KMT2E: variants seen among roughly 807,000 people sequenced by gnomAD.
KMT2E encodes histone reader KMT2E.
Under a neutral mutation model 184.6 loss-of-function variants are expected in KMT2E, and 30 were observed. The observed-to-expected ratio is 0.16, with a 90% CI of 0.12 to 0.22. The LOEUF (loss-of-function observed/expected upper bound fraction) is 0.22. Among genes scored for constraint, KMT2E ranks in the 10% least tolerant of loss-of-function variants. KMT2E has a pLI of 1.00. For missense variants in KMT2E, 2,023 were observed against 2,237.4 expected, an observed-to-expected ratio of 0.90 and a Z score of 1.93; for synonymous variants, 815 against 776.5, an observed-to-expected ratio of 1.05 and a Z score of -0.82.
At position 105,113,813 on chromosome 7, in the gene KMT2E, A is replaced by G. The variant is rs183237096; in HGVS notation, c.*480A>G. 1 of 155,890 alleles carries G rather than the reference A, an allele frequency of 6.4e-6. No individual in the cohort carries two copies. The highest frequency in any genetic ancestry group is 1.9e-4 in the East Asian group (1 of 5,196). 9.7% of individuals were successfully genotyped at this position (155,890 alleles called of 1,614,324 possible). A position where few individuals can be genotyped will look rare whatever the true frequency, so the allele number is the denominator to read the frequency against. On this transcript the variant is annotated 3_prime_UTR_variant, in exon 27 of 27. Transcript: ENST00000311117. ...CATTTTGTTTTACCAGTTATTTGCAAGCAAAATGTAATTTAATGTATAGAT... is the reference window on the plus strand; with the variant it reads ...CATTTTGTTTTACCAGTTATTTGCAGGCAAAATGTAATTTAATGTATAGAT...
chr7:105,092,170 C>CT (rs1219714993), intron 15 of KMT2E, among the ~76,000 whole-genome samples: 1 of 152,202 alleles, frequency 6.6e-6, no homozygotes, highest in East Asian at 1.9e-4. Flanking sequence ...ACACCACTCA[C>CT]TTTGGGAGGC....
At chr7:105,028,420 G>C (rs1298317231) in intron 1 of KMT2E, among the ~76,000 whole-genome samples, 1 of 152,172 alleles carries the variant, frequency 6.6e-6, no homozygotes, top group African/African-American at 2.4e-5. Flanking sequence ...GCCTGCCTCA[G>C]CCTCCCAAAG....
chr7:105,033,697 C>A (rs1353358060), intron 1 of KMT2E, among the ~76,000 whole-genome samples: 2 of 152,018 alleles, frequency 1.3e-5, no homozygotes, highest in African/African-American at 4.8e-5. Flanking sequence ...GATGGGGTTT[C>A]GCTGTGTTAG....
chr7:105,015,733 A>G (rs1794690368), intron 1 of KMT2E, among the ~76,000 whole-genome samples: 4 of 152,142 alleles, frequency 2.6e-5, no homozygotes, highest in Admixed American at 2.0e-4. Context: ...CACCCCATGC[A>G]GTGCGTTTGT....
rs11330758 is a variant in KMT2E at position 105,096,247 on chromosome 7, CAAAAAAAAAA to C, written c.1722+4948_1722+4957del. 1.6e-4 allele frequency among the ~76,000 whole-genome samples: 11 copies of C among 69,256 alleles called. 1 individual carries two copies. Among genetic ancestry groups the C allele is most frequent in the African/African-American group, 5.6e-4 (10 of 17,988 alleles). The allele number at this position is 69,256 out of a possible 152,430, so 45.4% of individuals were successfully genotyped here. On this transcript the variant is annotated intron_variant, in intron 15 of 26. Coordinates refer to ENST00000311117, the MANE Select transcript of KMT2E (RefSeq NM_182931.3). ...CCAGCCTGGGTGACAGTGAAAGGCTCAAAAAAAAAAAAAAAAAAAAAAAAGACACTTCCTC... is the reference window on the plus strand; with the variant it reads ...CCAGCCTGGGTGACAGTGAAAGGCTCAAAAAAAAAAAAAAGACACTTCCTC...
intron 1 of KMT2E, among the ~76,000 whole-genome samples, chr7:105,016,032 A>T (rs1794703985): frequency 6.6e-6 from 1 of 152,176 alleles, no homozygotes; most frequent in South Asian, 2.1e-4. Flanking sequence ...ACCATCTTTT[A>T]TTCAATATGC....
chr7:105,058,721 A>G (rs192581338), intron 3 of KMT2E, among the ~76,000 whole-genome samples: 32 of 152,298 alleles, frequency 2.1e-4, no homozygotes, highest in Admixed American at 3.9e-4. Context: ...TTGCTTATAT[A>G]TTGGGAATAA....
At chr7:105,064,164 G>GTTTTTTTTTTTTTTTTT (rs66946883) in intron 5 of KMT2E, 2 of 76,152 alleles carry the variant, frequency 2.6e-5, no homozygotes, top group Admixed American at 2.5e-4. Context: ...TTTTTTCTTG[G>GTTTTTTTTTTTTTTTTT]TTTTTTTTTT....
intron 3 of KMT2E, among the ~76,000 whole-genome samples, chr7:105,057,441 TTTTTTGTTTG>T (rs945546590): frequency 1.3e-5 from 2 of 152,098 alleles, no homozygotes; most frequent in African/African-American, 4.8e-5. Flanking sequence ...TTGAGTTGTT[TTTTTTGTTTG>T]TTTTTGTTTT....
chr7:105,107,027 T>C (rs1355655134), intron 20 of KMT2E, 139 bp from the exon 21 acceptor site: 4 of 635,818 alleles, frequency 6.3e-6, no homozygotes, highest in Non-Finnish European at 5.3e-6. Flanking sequence ...GCAGTCTTAT[T>C]TGGGGAATGG....
At chr7:105,076,166 G>A in intron 9 of KMT2E, 85 bp downstream of exon 9, 2 of 948,368 alleles carry the variant, frequency 2.1e-6, no homozygotes, top group South Asian at 2.8e-5. Flanking sequence ...TTTACTTAAT[G>A]CTCTGTTTAT....
At chr7:105,078,259 T>C (rs895769923) in intron 11 of KMT2E, among the ~76,000 whole-genome samples, 2 of 152,182 alleles carry the variant, frequency 1.3e-5, no homozygotes, top group Non-Finnish European at 2.9e-5. Flanking sequence ...TCTCTTTTTA[T>C]CTTTCTTTGT....
At chr7:105,028,475 A>G (rs1306339590) in intron 1 of KMT2E, among the ~76,000 whole-genome samples, 1 of 151,206 alleles carries the variant, frequency 6.6e-6, no homozygotes, top group Non-Finnish European at 1.5e-5. Flanking sequence ...CGAGACTGAG[A>G]CATTTCTGTT....
At chr7:105,097,020 C>G (rs1798437404) in intron 15 of KMT2E, among the ~76,000 whole-genome samples, 1 of 152,144 alleles carries the variant, frequency 6.6e-6, no homozygotes, top group South Asian at 2.1e-4. Flanking sequence ...CTTGTATACC[C>G]TTGCAGTTTC....
chr7:105,107,749 G>A lies in KMT2E; in HGVS notation c.3292G>A (p.Gly1098Ser). 6.2e-7 allele frequency: 1 copy of A among 1,614,140 alleles called. No homozygotes were observed. The highest frequency in any genetic ancestry group is 8.5e-7 in the Non-Finnish European group (1 of 1,180,026). Residue 1098 changes from glycine (G) to serine (S), a missense_variant, in exon 22 of 27, where the codon GGC becomes AGC. This residue lies in a region of KMT2E where 1,108 missense variants were observed against 1,050.9 expected (regional missense o/e 1.05). Transcript: ENST00000311117. ...TPSHQLEVGG[G>S]FRISESKCLM... is the part of the protein sequence containing the mutation. The stretch of plus-strand genomic sequence containing the variant: ...CTCGCATCAGTTGGAGGTTGGAGGA[G>A]GCTTCCGAATAAGTGAGTCAAAGTG...
chr7:105,032,052 G>A lies in KMT2E; in HGVS notation c.-188-6074G>A, dbSNP rs116939531. 3.4e-3 allele frequency among the ~76,000 whole-genome samples: 403 copies of A among 119,916 alleles called. 13 individuals are homozygous for A. In the East Asian group the frequency reaches 0.062, roughly 18 times the overall value. The allele number at this position is 119,916 out of a possible 152,430, so 78.7% of individuals were successfully genotyped here. A position where few individuals can be genotyped will look rare whatever the true frequency, so the allele number is the denominator to read the frequency against. Reference sequence around the variant, plus strand: ...CTGCACTCCACACTCCAGCCTGGGCGACATAGCAAGACTCTTATCACAAAA... The same window carrying A: ...CTGCACTCCACACTCCAGCCTGGGCAACATAGCAAGACTCTTATCACAAAA... On this transcript the variant is annotated intron_variant, in intron 1 of 26. Transcript: ENST00000311117.
intron 3 of KMT2E, among the ~76,000 whole-genome samples, chr7:105,042,742 C>A (rs903216371): frequency 6.6e-6 from 1 of 152,060 alleles, no homozygotes; most frequent in Non-Finnish European, 1.5e-5. Context: ...TTTTAAATTT[C>A]TTACGTATTT....
At chr7:105,049,629 G>A (rs1449358088) in intron 3 of KMT2E, among the ~76,000 whole-genome samples, 2 of 151,758 alleles carry the variant, frequency 1.3e-5, no homozygotes, top group East Asian at 1.9e-4. Context: ...GGTGGCTCAC[G>A]CCTGTAATCC....
intron 13 of KMT2E, among the ~76,000 whole-genome samples, chr7:105,089,555 T>A (rs1798117603): frequency 6.6e-6 from 1 of 152,196 alleles, no homozygotes; most frequent in Non-Finnish European, 1.5e-5. Context: ...ATATGATAGG[T>A]CACAGTCAAA....
Sources: allele counts gnomAD v4.1 joint callset (sites outside exome capture counted in the v4.1 genomes callset), GRCh38; gene constraint gnomAD v4.1.1; regional missense constraint gnomAD v4.1.1; transcripts MANE v1.5; gene names NCBI Gene and HGNC (gene_info 2026-07-23, HGNC 2026-07-21).